Variants in CARD8 observed in about 807,000 individuals in gnomAD.
The protein encoded by CARD8 is caspase recruitment domain-containing protein 8.
In CARD8, 38 loss-of-function variants were observed where a neutral mutation model predicts 53.2. The ratio of observed to expected loss-of-function variants is 0.71; its 90% confidence interval spans 0.55 to 0.94. CARD8 has a LOEUF of 0.94. Among genes scored for constraint, CARD8 ranks in the 40% least tolerant of loss-of-function variants. The pLI is 0.00. For synonymous variants in CARD8, 245 were observed against 244.9 expected (o/e 1.00, Z 0.00); for missense variants, 561 against 655.5 (o/e 0.86, Z 1.57).
chr19:48,217,902 T>A (rs1435517097), intron 12 of CARD8, among the ~76,000 whole-genome samples: 1 of 152,224 alleles, frequency 6.6e-6, no homozygotes, highest in African/African-American at 2.4e-5. Context: ...CAGAACTTTT[T>A]AACAGATTAC....
chr19:48,215,112 A>C (rs1236191592), intron 13 of CARD8: 1 of 410,418 alleles, frequency 2.4e-6, no homozygotes, highest in African/African-American at 2.0e-5. Flanking sequence ...GCTTTTTAAT[A>C]AACTTTCTCT....
At position 48,208,744 on chromosome 19, in the gene CARD8, G is replaced by C. The variant is rs1057420823; in HGVS notation, c.*2966C>G. On this transcript the variant is annotated 3_prime_UTR_variant, in exon 14 of 14. Coordinates refer to ENST00000651546, the MANE Select transcript of CARD8 (RefSeq NM_001184900.3). The stretch of plus-strand genomic sequence containing the variant: ...TGTAATCCCAGCACTTTGGAAGGCC[G>C]AGGCGGGTGGATCATGAGGTCAGGA... 1 of 152,010 alleles carries C rather than the reference G, an allele frequency of 6.6e-6. No homozygotes were observed. The highest frequency in any genetic ancestry group is 1.5e-5 in the Non-Finnish European group (1 of 68,022). The allele number at this position is 152,010 out of a possible 1,614,324, so 9.4% of individuals were successfully genotyped here.
At chr19:48,242,353 G>T (rs1409229023) in intron 3 of CARD8, among the ~76,000 whole-genome samples, 7 of 151,146 alleles carry the variant, frequency 4.6e-5, no homozygotes, top group African/African-American at 1.7e-4. Flanking sequence ...CTTGATCGTG[G>T]ACTTCCCAGC....
At chr19:48,218,485 GC>G (rs1223160209) in intron 12 of CARD8, among the ~76,000 whole-genome samples, 1 of 150,924 alleles carries the variant, frequency 6.6e-6, no homozygotes, top group Non-Finnish European at 1.5e-5. Flanking sequence ...CTCCCACGTA[GC>G]CAGGACTACA....
intron 10 of CARD8, among the ~76,000 whole-genome samples, chr19:48,226,364 C>T (rs1274973804): frequency 6.6e-6 from 1 of 152,156 alleles, no homozygotes; most frequent in Non-Finnish European, 1.5e-5. Context: ...GCTGGGATTA[C>T]AGGCATGTGC....
chr19:48,254,756 T>C (rs1231612296), intron 1 of CARD8, among the ~76,000 whole-genome samples: 2 of 152,032 alleles, frequency 1.3e-5, no homozygotes, highest in African/African-American at 2.4e-5. Flanking sequence ...CCCTGACAAA[T>C]AGAGCCAGGA....
downstream of CARD8, chr19:48,203,539 C>T (rs7259206): frequency 0.31 from 47,145 of 152,616 alleles, 7,620 homozygotes; most frequent in East Asian, 0.52. Context: ...GTTCTAACAT[C>T]GCCTGCATTT....
chr19:48,235,613 G>T (rs1390156832), intron 5 of CARD8, among the ~76,000 whole-genome samples: 2 of 152,090 alleles, frequency 1.3e-5, no homozygotes, highest in African/African-American at 2.4e-5. Context: ...TGAATTCCCG[G>T]CCCCAAGAAA....
chr19:48,224,276 A>G (rs780120824), intron 10 of CARD8, among the ~76,000 whole-genome samples: 11 of 152,096 alleles, frequency 7.2e-5, no homozygotes, highest in Non-Finnish European at 1.5e-4. Flanking sequence ...TAGCAGCCAC[A>G]TTTTTTAAAA....
At chr19:48,246,362 C>T (rs1021659961) in intron 3 of CARD8, among the ~76,000 whole-genome samples, 1 of 152,182 alleles carries the variant, frequency 6.6e-6, no homozygotes, top group Non-Finnish European at 1.5e-5. Flanking sequence ...GTAACCACTT[C>T]TCCACGGATC....
intron 13 of CARD8, among the ~76,000 whole-genome samples, chr19:48,212,401 G>A (rs996609787): frequency 6.6e-6 from 1 of 152,200 alleles, no homozygotes; most frequent in Non-Finnish European, 1.5e-5. Flanking sequence ...CCAAAGCTTA[G>A]CTGGCAGAGC....
At chr19:48,243,199 G>C (rs1407594086) in intron 3 of CARD8, among the ~76,000 whole-genome samples, 1 of 152,078 alleles carries the variant, frequency 6.6e-6, no homozygotes, top group African/African-American at 2.4e-5. Flanking sequence ...ATTTTTAGTA[G>C]AGACGGGGTT....
intron 13 of CARD8, 35 bp from the exon 14 acceptor site, chr19:48,212,010 C>T (rs758539025): frequency 3.1e-6 from 5 of 1,598,952 alleles, no homozygotes; most frequent in Middle Eastern, 1.7e-4. Context: ...CTTTGAGAAT[C>T]GTTCACTTAC....
chr19:48,212,042 G>C, intron 13 of CARD8, 67 bp from the exon 14 acceptor site: 1 of 1,481,756 alleles, frequency 6.7e-7, no homozygotes, highest in Non-Finnish European at 9.2e-7. Context: ...TCTATACCAA[G>C]CTTAGAGTCA....
In CARD8 at chr19:48,210,110, A is replaced by T. The variant is rs2123712688; in HGVS notation, c.*1600T>A. 1 of 147,500 alleles carries T rather than the reference A, an allele frequency of 6.8e-6. No individual in the cohort carries two copies. The highest frequency in any genetic ancestry group is 2.1e-4 in the East Asian group (1 of 4,854). The allele number at this position is 147,500 out of a possible 1,614,324, so 9.1% of individuals were successfully genotyped here. On this transcript the variant is annotated 3_prime_UTR_variant, in exon 14 of 14. Coordinates refer to ENST00000651546, the MANE Select transcript of CARD8 (RefSeq NM_001184900.3). ...TAAAAACTAAAGATAAATACCTTGA[A>T]ATCTGACAGAAAAATGACACACTAC...
At chr19:48,207,742 T>TTTTG (rs2037449549), downstream of CARD8, among the ~76,000 whole-genome samples, 1 of 132,442 alleles carries the variant, frequency 7.6e-6, no homozygotes, top group African/African-American at 2.8e-5. Context: ...CTGTTTTTTT[T>TTTTG]TTTTTTTTTT....
intron 3 of CARD8, among the ~76,000 whole-genome samples, chr19:48,244,549 G>A (rs1277554862): frequency 6.6e-6 from 1 of 152,220 alleles, no homozygotes; most frequent in East Asian, 1.9e-4. Context: ...AGAGCTGTGA[G>A]GTCTGGGCAG....
At chr19:48,234,874 A>C (rs1044773040) in intron 5 of CARD8, among the ~76,000 whole-genome samples, 6 of 152,196 alleles carry the variant, frequency 3.9e-5, no homozygotes, top group South Asian at 4.1e-4. Flanking sequence ...GACCTATATA[A>C]CCTTGCTAAG....
At chr19:48,229,918 GC>G (rs1426868216) in intron 10 of CARD8, among the ~76,000 whole-genome samples, 2 of 152,134 alleles carry the variant, frequency 1.3e-5, no homozygotes, top group Non-Finnish European at 2.9e-5. Flanking sequence ...TTCAAAACCA[GC>G]CTGGCCAACA....
Sources: gnomAD v4.1 joint callset for allele counts (sites outside exome capture counted in the v4.1 genomes callset) on GRCh38, gnomAD v4.1.1 for gene constraint, MANE v1.5 for transcripts, NCBI Gene and HGNC (gene_info 2026-07-23, HGNC 2026-07-21) for gene names.